Variants in IGF1 observed in about 807,000 individuals in gnomAD.
IGF1 encodes the protein insulin like growth factor 1.
Under a neutral mutation model 13.8 loss-of-function variants are expected in IGF1, and 4 were observed. That is an observed-to-expected ratio of 0.29 (90% CI 0.14 to 0.66). The LOEUF (loss-of-function observed/expected upper bound fraction) is 0.66, where lower values mean the gene tolerates loss of function less well. IGF1 is among the 30% of genes least tolerant of loss of function. The pLI, the probability that IGF1 is intolerant of heterozygous loss-of-function variation, is 0.78. For synonymous variants in IGF1, 76 were observed against 72.6 expected (o/e 1.05, Z -0.23); for missense variants, 124 against 188.5 (o/e 0.66, Z 2.00).
At chr12:102,461,882 G>A (rs1280276104) in intron 2 of IGF1, among the ~76,000 whole-genome samples, 2 of 152,196 alleles carry the variant, frequency 1.3e-5, no homozygotes, top group Non-Finnish European at 2.9e-5. Context: ...GAAATCTGCA[G>A]TGACAGTTGA....
chr12:102,480,631 G>A (rs1881343659), upstream of IGF1: 1 of 1,345,704 alleles, frequency 7.4e-7, no homozygotes, highest in Non-Finnish European at 9.6e-7. Flanking sequence ...AACAGCTGGG[G>A]GAACATTTGC....
chr12:102,437,307 T>C (rs1351977316), intron 2 of IGF1, among the ~76,000 whole-genome samples: 9 of 152,148 alleles, frequency 5.9e-5, no homozygotes, highest in Non-Finnish European at 1.0e-4. Context: ...TAGCACCACT[T>C]GTGTGGTGAA....
At chr12:102,475,369 G>A (rs1029888783) in intron 2 of IGF1, among the ~76,000 whole-genome samples, 2 of 152,096 alleles carry the variant, frequency 1.3e-5, no homozygotes, top group South Asian at 4.2e-4. Context: ...GAAAGGAATG[G>A]AATAGTGAGG....
At chr12:102,441,956 T>TCCTTCTCCTTCTCCTTCTCC (rs1877880601) in intron 2 of IGF1, among the ~76,000 whole-genome samples, 1 of 140,478 alleles carries the variant, frequency 7.1e-6, no homozygotes, top group Admixed American at 7.4e-5. Context: ...CTTCTTCTTC[T>TCCTTCTCCTTCTCCTTCTCC]TTTTTTTTTT....
intron 2 of IGF1, among the ~76,000 whole-genome samples, chr12:102,435,884 C>G (rs1592776112): frequency 6.6e-6 from 1 of 152,328 alleles, no homozygotes; most frequent in Middle Eastern, 3.4e-3. Context: ...CAAGCACTTG[C>G]ATTTTCCATA....
intron 1 of IGF1, among the ~76,000 whole-genome samples, chr12:102,479,277 T>C (rs1881260939): frequency 6.6e-6 from 1 of 152,094 alleles, no homozygotes; most frequent in Admixed American, 6.5e-5. Context: ...CTAGGGAAAG[T>C]CGTAGTGGTG....
At chr12:102,451,561 T>C (rs373913701) in intron 2 of IGF1, among the ~76,000 whole-genome samples, 13 of 152,198 alleles carry the variant, frequency 8.5e-5, no homozygotes, top group African/African-American at 2.6e-4. Flanking sequence ...GAAAAGAAGA[T>C]GGGAGATCGA....
At chr12:102,414,326 G>T (rs1272203945) in intron 3 of IGF1, among the ~76,000 whole-genome samples, 1 of 152,068 alleles carries the variant, frequency 6.6e-6, no homozygotes, top group Admixed American at 6.5e-5. Context: ...TACATGATCT[G>T]CCCAAAGCCA....
chr12:102,455,802 C>T (rs1041725991), intron 2 of IGF1, among the ~76,000 whole-genome samples: 16 of 152,162 alleles, frequency 1.1e-4, no homozygotes, highest in Admixed American at 9.8e-4. Flanking sequence ...ACCTGGCAGT[C>T]AGCTTGGATG....
chr12:102,434,720 A>C (rs1375873680), intron 2 of IGF1, among the ~76,000 whole-genome samples: 1 of 152,010 alleles, frequency 6.6e-6, no homozygotes, highest in African/African-American at 2.4e-5. Flanking sequence ...AGGAATCGCC[A>C]CACTGACTTC....
At chr12:102,419,823 T>A in intron 2 of IGF1, 133 bp from the exon 3 acceptor site, 1 of 822,524 alleles carries the variant, frequency 1.2e-6, no homozygotes, top group Admixed American at 2.0e-5. Context: ...TCTTGAAACT[T>A]CCCCAATGAT....
intron 2 of IGF1, among the ~76,000 whole-genome samples, chr12:102,452,912 G>A (rs145533007): frequency 9.9e-4 from 151 of 152,294 alleles, no homozygotes; most frequent in African/African-American, 3.4e-3. Flanking sequence ...GCCTTGTCTG[G>A]AAATTGCTGG....
intron 3 of IGF1, among the ~76,000 whole-genome samples, chr12:102,415,548 T>TTTCTTCCTTCCTTCCTTCCTTCCTTCCG (rs1565966720): frequency 3.0e-4 from 31 of 102,048 alleles, no homozygotes; most frequent in African/African-American, 1.2e-3. Context: ...TTCCCTTTCC[T>TTTCTTCCTTCCTTCCTTCCTTCCTTCCG]TCCTTCCTTC....
chr12:102,475,668 C>G lies in IGF1; in HGVS notation c.195G>C (p.Val65=), dbSNP rs1592837467. The G allele has an allele frequency of 6.2e-7, 1 of 1,614,226 alleles. No homozygotes were observed. Among genetic ancestry groups the G allele is most frequent in the South Asian group, 1.1e-5 (1 of 91,080 alleles). The change falls in exon 2 of 4, where the codon GTG becomes GTC. Residue 65 remains valine (V), a synonymous_variant. Coordinates refer to ENST00000337514, the MANE Select transcript of IGF1 (RefSeq NM_000618.5). ...TGAAATAAAAGCCCCTGTCTCCACA[C>G]ACGAACTGAAGAGCATCCACCAGCT... ...GAELVDALQF[V]CGDRGFYFNK...
rs1382555461 is a variant in IGF1, at chr12:102,419,705, C to T, written c.221-15G>A. 1.9e-6 allele frequency: 3 copies of T among 1,610,208 alleles called. No individual in the cohort carries two copies. Among genetic ancestry groups the T allele is most frequent in the Non-Finnish European group, 2.5e-6 (3 of 1,179,930 alleles). Reference sequence around the variant, plus strand: ...TGTGGGCTTGTCTGCACAAATCAAACAGAGTGGCCTCATGTTAGGGTGCAA... The same window carrying T: ...TGTGGGCTTGTCTGCACAAATCAAATAGAGTGGCCTCATGTTAGGGTGCAA... On this transcript the variant is annotated splice_polypyrimidine_tract_variant and intron_variant, in intron 2 of 3. Transcript: ENST00000337514.
intron 3 of IGF1, among the ~76,000 whole-genome samples, chr12:102,412,339 A>C (rs1421118213): frequency 6.6e-6 from 1 of 152,142 alleles, no homozygotes; most frequent in Non-Finnish European, 1.5e-5. Context: ...ATTTTGGAAA[A>C]TAGTTCCCCC....
At chr12:102,403,515 G>A (rs1520222) in intron 3 of IGF1, among the ~76,000 whole-genome samples, 104,827 of 150,694 alleles carry the variant, frequency 0.7, 36,737 homozygotes, top group Admixed American at 0.76. Flanking sequence ...GGAGTGTGGT[G>A]GTGCCATCTC....
At chr12:102,437,723 G>A (rs1465453917) in intron 2 of IGF1, among the ~76,000 whole-genome samples, 3 of 152,122 alleles carry the variant, frequency 2.0e-5, no homozygotes, top group Non-Finnish European at 4.4e-5. Flanking sequence ...GGTGACTCTG[G>A]TTAACAATAT....
chr12:102,417,949 G>A, intron 3 of IGF1: 1 of 1,613,378 alleles, frequency 6.2e-7, no homozygotes. Flanking sequence ...TGTGTCTTTG[G>A]CCAACCTTTC....
Sources: gnomAD v4.1 joint callset for allele counts (sites outside exome capture counted in the v4.1 genomes callset) on GRCh38, gnomAD v4.1.1 for gene constraint, MANE v1.5 for transcripts, NCBI Gene and HGNC (gene_info 2026-07-23, HGNC 2026-07-21) for gene names.